Variants in GFRA2 observed in about 807,000 individuals in gnomAD.
GFRA2 encodes GDNF family receptor alpha 2.
GFRA2 carries 17 observed loss-of-function variants against 48.3 expected under a neutral mutation model. That is an observed-to-expected ratio of 0.35 (90% CI 0.24 to 0.53). The LOEUF (loss-of-function observed/expected upper bound fraction) is 0.53, where lower values mean the gene tolerates loss of function less well. Among genes scored for constraint, GFRA2 ranks in the 20% least tolerant of loss-of-function variants. GFRA2 has a pLI of 0.93. For synonymous variants in GFRA2, 305 were observed against 257.2 expected (o/e 1.19, Z -1.78); for missense variants, 660 against 637.3 (o/e 1.04, Z -0.38).
chr8:21,758,473 G>A (rs1050199183), intron 3 of GFRA2, among the ~76,000 whole-genome samples: 44 of 152,094 alleles, frequency 2.9e-4, no homozygotes, highest in Non-Finnish European at 3.7e-4. Flanking sequence ...TGCCTCCCAG[G>A]AAACTGCCCC....
chr8:21,752,728 A>G (rs1207671713), intron 3 of GFRA2, among the ~76,000 whole-genome samples: 1 of 151,762 alleles, frequency 6.6e-6, no homozygotes, highest in East Asian at 1.9e-4. Context: ...CCAACCCCGT[A>G]TTTCCCCCCA....
intron 1 of GFRA2, among the ~76,000 whole-genome samples, chr8:21,809,886 AACATC>A (rs1236948135): frequency 2.0e-5 from 3 of 152,152 alleles, no homozygotes; most frequent in Non-Finnish European, 4.4e-5. Context: ...CAGCAAATGC[AACATC>A]ACCCACACCC....
At chr8:21,723,351 A>C (rs1206774100) in intron 4 of GFRA2, among the ~76,000 whole-genome samples, 1 of 152,216 alleles carries the variant, frequency 6.6e-6, no homozygotes, top group Non-Finnish European at 1.5e-5. Context: ...GACAGGATAT[A>C]GAAGTACAAG....
At chr8:21,695,114 C>G (rs1383957899) in intron 7 of GFRA2, among the ~76,000 whole-genome samples, 2 of 152,246 alleles carry the variant, frequency 1.3e-5, no homozygotes, top group Non-Finnish European at 2.9e-5. Flanking sequence ...CAGCCCATTT[C>G]TGTCCTACAC....
Position 21,771,065 on chromosome 8 carries a change from C to T in GFRA2, c.439+3907G>A, listed in dbSNP as rs951350393. On this transcript the variant is annotated intron_variant, in intron 3 of 8. Coordinates refer to ENST00000524240, the MANE Select transcript of GFRA2 (RefSeq NM_001495.5). ...CAGGCAGACAGAGGATGACCCACTG[C>T]GCCAAGGCTGGCTCAGTCCCTGATG... Among the ~76,000 whole-genome samples, 7 of 152,318 alleles carry T rather than the reference C, an allele frequency of 4.6e-5. No individual in the cohort carries two copies. The East Asian group carries it at 5.8e-4, about 13-fold the overall frequency.
At chr8:21,760,021 A>G (rs769016867) in intron 3 of GFRA2, among the ~76,000 whole-genome samples, 7 of 152,164 alleles carry the variant, frequency 4.6e-5, no homozygotes, top group Non-Finnish European at 1.0e-4. Context: ...AAACAAGGTA[A>G]GAGAATTCCA....
At chr8:21,752,509 C>A (rs1326810360) in intron 3 of GFRA2, among the ~76,000 whole-genome samples, 1 of 152,048 alleles carries the variant, frequency 6.6e-6, no homozygotes, top group African/African-American at 2.4e-5. Context: ...GTCTTCCATA[C>A]CCAGGGCTCA....
chr8:21,782,741 G>A lies in GFRA2; in HGVS notation c.199C>T (p.Arg67Cys), dbSNP rs895289836. The A allele has an allele frequency of 6.3e-6, 10 of 1,597,102 alleles. No homozygotes were observed. The highest frequency in any genetic ancestry group is 2.3e-5 in the South Asian group (2 of 88,240). The change falls in exon 2 of 9, where the codon CGC becomes TGC. Residue 67 changes from arginine (R) to cysteine (C), a missense_variant. Transcript: ENST00000524240. ...YRTLRQCLAG[R>C]DRNTMLANKE... is the part of the protein sequence containing the mutation. ...TTGGCCAGCATGGTGTTGCGGTCGCGGCCTGCCAGGCACTGCCGCAGAGTG... is the reference window on the plus strand; with the variant it reads ...TTGGCCAGCATGGTGTTGCGGTCGCAGCCTGCCAGGCACTGCCGCAGAGTG...
chr8:21,766,848 T>C (rs1439714760), intron 3 of GFRA2, among the ~76,000 whole-genome samples: 1 of 244 alleles, frequency 4.1e-3, no homozygotes, highest in Non-Finnish European at 7.1e-3. Flanking sequence ...ACATCACACC[T>C]ATGCACACCC....
chr8:21,756,925 C>T (rs551860731), intron 3 of GFRA2, among the ~76,000 whole-genome samples: 1 of 152,282 alleles, frequency 6.6e-6, no homozygotes, highest in South Asian at 2.1e-4. Flanking sequence ...GGTGGGTCTC[C>T]CAGGCTGGCT....
intron 1 of GFRA2, among the ~76,000 whole-genome samples, chr8:21,807,332 T>C (rs1021959892): frequency 2.0e-5 from 3 of 152,118 alleles, no homozygotes; most frequent in Admixed American, 6.5e-5. Context: ...TCCACTTTCC[T>C]CCATGGGATG....
intron 3 of GFRA2, among the ~76,000 whole-genome samples, chr8:21,754,458 A>C (rs2117610472): frequency 6.6e-6 from 1 of 151,766 alleles, no homozygotes; most frequent in Non-Finnish European, 1.5e-5. Flanking sequence ...ACGAAGACTA[A>C]GCCATTCACC....
chr8:21,785,248 A>G (rs1159627270), intron 1 of GFRA2, among the ~76,000 whole-genome samples: 1 of 152,126 alleles, frequency 6.6e-6, no homozygotes, highest in Non-Finnish European at 1.5e-5. Context: ...ATCCTTACAC[A>G]ATCTTAGGGA....
Position 21,692,046 on chromosome 8 carries a change from T to C in GFRA2, c.*1232A>G, listed in dbSNP as rs1325951598. The C allele has an allele frequency of 6.6e-6, 1 of 152,584 alleles. No individual in the cohort carries two copies. Among genetic ancestry groups the C allele is most frequent in the African/African-American group, 2.4e-5 (1 of 41,414 alleles). The allele number at this position is 152,584 out of a possible 1,614,324, so 9.5% of individuals were successfully genotyped here. A position where few individuals can be genotyped will look rare whatever the true frequency, so the allele number is the denominator to read the frequency against. On this transcript the variant is annotated 3_prime_UTR_variant, in exon 9 of 9. Transcript: ENST00000524240. ...CTTCCTAGCACGTTTATTGGAGCCT[T>C]GGTTAAGCTTGGATGCGGATCAGGA...
chr8:21,724,711 C>A (rs1298292259), intron 4 of GFRA2, among the ~76,000 whole-genome samples: 1 of 152,288 alleles, frequency 6.6e-6, no homozygotes, highest in East Asian at 1.9e-4. Context: ...TACATAGAAA[C>A]AACATAAAGG....
At chr8:21,759,144 G>A (rs956023093) in intron 3 of GFRA2, among the ~76,000 whole-genome samples, 4 of 151,970 alleles carry the variant, frequency 2.6e-5, no homozygotes, top group African/African-American at 7.3e-5. Context: ...TAGCCCCAGC[G>A]CTTTGAGAGG....
chr8:21,753,124 G>A (rs975721492), intron 3 of GFRA2, among the ~76,000 whole-genome samples: 9 of 151,996 alleles, frequency 5.9e-5, no homozygotes, highest in Admixed American at 2.0e-4. Flanking sequence ...CAGCTCATTC[G>A]GGGGCTTCAG....
At position 21,750,687 on chromosome 8, in the gene GFRA2, C is replaced by T. The variant is rs753020122; in HGVS notation, c.695G>A (p.Arg232His). 3.1e-6 allele frequency: 5 copies of T among 1,613,796 alleles called. No homozygotes were observed. Among genetic ancestry groups the T allele is most frequent in the Admixed American group, 1.7e-5 (1 of 60,026 alleles). ...GCTGGGCAGGATGGTTTGCCGGCGG[C>T]GCTCAGCGCACGCCTGGTCTTGGCA... ...CSCQDQACAE[R>H]RRQTILPSCS... Residue 232 changes from arginine to histidine, a missense_variant, in exon 4 of 9, where the codon CGC (arginine) becomes CAC (histidine). Coordinates refer to ENST00000524240, the MANE Select transcript of GFRA2 (RefSeq NM_001495.5). The surrounding 1 kb of genome is among the most constrained non-coding windows in gnomAD (Gnocchi z 5.7).
intron 3 of GFRA2, among the ~76,000 whole-genome samples, chr8:21,773,620 C>T (rs961884210): frequency 3.3e-5 from 5 of 152,270 alleles, no homozygotes; most frequent in African/African-American, 9.6e-5. Flanking sequence ...ACCTTCAAGA[C>T]AAAATGTTAT....
Sources: allele counts gnomAD v4.1 joint callset (sites outside exome capture counted in the v4.1 genomes callset), GRCh38; gene constraint gnomAD v4.1.1; non-coding constraint Gnocchi (gnomAD v3.1); transcripts MANE v1.5; gene names NCBI Gene and HGNC (gene_info 2026-07-23, HGNC 2026-07-21).